The following HIVEP3 variants were observed in gnomAD, a reference collection of about 807,000 sequenced individuals.
The protein encoded by HIVEP3 is HIVEP zinc finger 3.
A neutral mutation model predicts 152.8 loss-of-function variants in HIVEP3; 49 were observed. The ratio of observed to expected loss-of-function variants is 0.32; its 90% confidence interval spans 0.26 to 0.41. HIVEP3 has a LOEUF of 0.41. HIVEP3 is among the 10% of genes least tolerant of loss of function. The pLI is 1.00. For missense variants in HIVEP3, 2,790 were observed against 3,103.3 expected (o/e 0.90, Z 2.40); for synonymous variants, 1,269 against 1,289.0 (o/e 0.98, Z 0.33).
intron 5 of HIVEP3, among the ~76,000 whole-genome samples, chr1:41,530,756 C>A (rs1183808141): frequency 1.3e-5 from 2 of 152,208 alleles, no homozygotes; most frequent in Non-Finnish European, 2.9e-5. Flanking sequence ...GAAGCAGGTG[C>A]CAGGGTCCAT....
chr1:41,546,674 G>A (rs1377082497), intron 5 of HIVEP3, among the ~76,000 whole-genome samples: 1 of 152,184 alleles, frequency 6.6e-6, no homozygotes, highest in Admixed American at 6.5e-5. Flanking sequence ...CTTGAAGCAG[G>A]GCTGATGTAA....
At chr1:41,871,627 G>A (rs962095600) in intron 1 of HIVEP3, among the ~76,000 whole-genome samples, 1 of 152,234 alleles carries the variant, frequency 6.6e-6, no homozygotes, top group Admixed American at 6.5e-5. Context: ...TCCACAGAGG[G>A]TGGGATCAGG....
chr1:41,646,657 G>A (rs1015889562), intron 2 of HIVEP3, among the ~76,000 whole-genome samples: 1 of 152,196 alleles, frequency 6.6e-6, no homozygotes, highest in African/African-American at 2.4e-5. Context: ...AAACAGAAGA[G>A]CACGACTACA....
At chr1:41,757,905 T>TAA in intron 1 of HIVEP3, among the ~76,000 whole-genome samples, 1 of 151,930 alleles carries the variant, frequency 6.6e-6, no homozygotes, top group Admixed American at 6.6e-5. Flanking sequence ...AGAGACAGGG[T>TAA]TTCTCCACAT....
intron 1 of HIVEP3, among the ~76,000 whole-genome samples, chr1:41,709,884 G>C (rs1322538078): frequency 6.6e-6 from 1 of 152,180 alleles, no homozygotes; most frequent in Non-Finnish European, 1.5e-5. Flanking sequence ...CTAAGATTCT[G>C]CTGGCTTTAG....
intron 5 of HIVEP3, among the ~76,000 whole-genome samples, chr1:41,528,255 C>CTCACA (rs1643077307): frequency 7.8e-6 from 1 of 127,806 alleles, no homozygotes; most frequent in African/African-American, 3.0e-5. Flanking sequence ...CACCCTCACA[C>CTCACA]CCCTCCACCC....
At position 41,518,341 on chromosome 1, in the gene HIVEP3, TGGA is replaced by T. The variant is rs951648500; in HGVS notation, c.5470+58_5470+60del. On this transcript the variant is annotated intron_variant, in intron 7 of 8. Transcript: ENST00000372583. ...AAGCAGGGAAGGCAAGCAGGAAAGG[TGGA>T]GGAGGATAGGGAAAGCGGACAAGGG... is the stretch of plus-strand genomic sequence containing the variant. 1.7e-5 allele frequency: 24 copies of T among 1,397,850 alleles called. No individual in the cohort carries two copies. In the South Asian group the frequency reaches 2.1e-4, roughly 12 times the overall value. 86.6% of individuals were successfully genotyped at this position (1,397,850 alleles called of 1,614,324 possible).
chr1:41,801,934 T>TG (rs1190107846), intron 1 of HIVEP3, among the ~76,000 whole-genome samples: 4 of 150,932 alleles, frequency 2.7e-5, no homozygotes, highest in Non-Finnish European at 5.9e-5. Flanking sequence ...TGTCAAGGAG[T>TG]GGGGGGCAGG....
intron 1 of HIVEP3, among the ~76,000 whole-genome samples, chr1:42,032,384 C>T (rs890114072): frequency 2.6e-5 from 4 of 152,168 alleles, no homozygotes; most frequent in Non-Finnish European, 5.9e-5. Context: ...TGCAACGGGA[C>T]GTTAAATGAG....
chr1:41,546,283 G>A (rs1195576537), intron 5 of HIVEP3, among the ~76,000 whole-genome samples: 2 of 152,168 alleles, frequency 1.3e-5, no homozygotes, highest in Admixed American at 6.5e-5. Context: ...GAAGGCGGGG[G>A]GCTCAAGTCT....
At chr1:41,959,987 A>G (rs1385485698) in intron 1 of HIVEP3, among the ~76,000 whole-genome samples, 1 of 152,166 alleles carries the variant, frequency 6.6e-6, no homozygotes, top group Non-Finnish European at 1.5e-5. Flanking sequence ...AATAGGTATG[A>G]TGTGATACAT....
At chr1:41,640,255 C>T (rs1333376358) in intron 2 of HIVEP3, among the ~76,000 whole-genome samples, 1 of 98,736 alleles carries the variant, frequency 1.0e-5, no homozygotes, top group African/African-American at 4.0e-5. Context: ...GATGAAGGTT[C>T]TGAGAGCTGC....
In HIVEP3 at chr1:41,719,354, A is replaced by G. The variant is rs933840736; in HGVS notation, c.-800-18359T>C. ...GGAAGTGAAACAGACTGGGAGGTGG[A>G]GCAAGAACTTGTTTTGCCTTTAGTT... On this transcript the variant is annotated intron_variant, in intron 1 of 8. Coordinates refer to ENST00000372583, the MANE Select transcript of HIVEP3 (RefSeq NM_024503.5). Among the ~76,000 whole-genome samples the G allele has an allele frequency of 1.6e-4, 24 of 152,360 alleles. 1 individual carries two copies. Among genetic ancestry groups the G allele is most frequent in the Admixed American group, 1.2e-3 (19 of 15,306 alleles).
intron 2 of HIVEP3, among the ~76,000 whole-genome samples, chr1:41,641,185 G>T (rs894917142): frequency 6.6e-6 from 1 of 152,248 alleles, no homozygotes; most frequent in African/African-American, 2.4e-5. Context: ...CAGCAAAGCA[G>T]GTGGAGGCCT....
intron 3 of HIVEP3, among the ~76,000 whole-genome samples, chr1:41,591,170 T>A (rs1644582114): frequency 6.6e-6 from 1 of 152,212 alleles, no homozygotes; most frequent in Admixed American, 6.5e-5. Flanking sequence ...GCTCTGCTGC[T>A]TTTAGGCTGA....
chr1:41,581,215 G>T lies in HIVEP3; in HGVS notation c.3583C>A (p.Pro1195Thr). The change falls in exon 4 of 9, where the codon CCT becomes ACT. Residue 1195 changes from proline to threonine, a missense_variant. Around this residue, in one of 9 missense-constraint regions of HIVEP3, gnomAD observed 1,078 missense variants for 1,165.3 expected, o/e 0.93. Transcript: ENST00000372583. This position sits in a 1 kb window ranked among gnomAD's most constrained non-coding sequence, Gnocchi z 4.5. ...AGTTGGCCTGGGTGCAGAACAGTAG[G>T]CTGGAGAGGAAGCGGTGGGGCTTGA... ...LFQAPPLPLQ[P>T]TVLHPGQLHL... 2 of 1,571,330 alleles carry T rather than the reference G, an allele frequency of 1.3e-6. No individual in the cohort carries two copies. The highest frequency in any genetic ancestry group is 1.7e-6 in the Non-Finnish European group (2 of 1,158,496).
chr1:41,779,459 T>G (rs1364206743), intron 1 of HIVEP3, among the ~76,000 whole-genome samples: 2 of 152,364 alleles, frequency 1.3e-5, no homozygotes, highest in East Asian at 3.9e-4. Flanking sequence ...CAAATATTCA[T>G]GAAAAAATAT....
chr1:41,697,264 C>T (rs1216503461), intron 2 of HIVEP3, among the ~76,000 whole-genome samples: 3 of 152,182 alleles, frequency 2.0e-5, no homozygotes, highest in African/African-American at 4.8e-5. Flanking sequence ...AGCCAAATCC[C>T]AACCCTAGCT....
At chr1:41,823,234 T>C (rs1049082931) in intron 1 of HIVEP3, among the ~76,000 whole-genome samples, 17 of 152,204 alleles carry the variant, frequency 1.1e-4, no homozygotes, top group African/African-American at 4.1e-4. Context: ...CCTGCAGAAC[T>C]GTGAGAAAAT....
Sources: gnomAD v4.1 joint callset for allele counts (sites outside exome capture counted in the v4.1 genomes callset) on GRCh38, gnomAD v4.1.1 for gene constraint, gnomAD v4.1.1 regional missense constraint, Gnocchi (gnomAD v3.1) non-coding constraint, MANE v1.5 for transcripts, NCBI Gene and HGNC (gene_info 2026-07-23, HGNC 2026-07-21) for gene names.